Variants in ZC3H18 observed in about 807,000 individuals in gnomAD.
ZC3H18 encodes zinc finger CCCH domain-containing protein 18.
In ZC3H18, 8 loss-of-function variants were observed where a neutral mutation model predicts 106.1. That is an observed-to-expected ratio of 0.08 (90% confidence interval 0.04 to 0.14). The LOEUF (loss-of-function observed/expected upper bound fraction) is 0.14. Ranked by LOEUF, ZC3H18 falls within the 10% of genes least tolerant of loss-of-function variation. The pLI is 1.00. For synonymous variants in ZC3H18, 635 were observed against 522.1 expected, an observed-to-expected ratio of 1.22 and a Z score of -2.95; for missense variants, 1,318 against 1,278.4, an observed-to-expected ratio of 1.03 and a Z score of -0.47.
intron 4 of ZC3H18, 97 bp from the exon 5 acceptor site, chr16:88,598,523 G>T: frequency 6.9e-7 from 1 of 1,450,768 alleles, no homozygotes; most frequent in East Asian, 2.4e-5. Flanking sequence ...GGCCACACAC[G>T]GCCGGCTTGT....
chr16:88,600,435 C>T (rs1904689055), intron 6 of ZC3H18, among the ~76,000 whole-genome samples: 2 of 152,134 alleles, frequency 1.3e-5, no homozygotes, highest in African/African-American at 4.8e-5. Flanking sequence ...TTTCCCGAGG[C>T]AGAGTCTTGC....
chr16:88,611,178 C>G (rs537031166), intron 7 of ZC3H18, 90 bp from the exon 8 acceptor site: 3 of 694,598 alleles, frequency 4.3e-6, no homozygotes, highest in African/African-American at 3.6e-5. Context: ...GTGACACAGA[C>G]AGATCGCGTG....
At chr16:88,608,170 G>C (rs545793438) in intron 6 of ZC3H18, among the ~76,000 whole-genome samples, 1 of 151,982 alleles carries the variant, frequency 6.6e-6, no homozygotes, top group Non-Finnish European at 1.5e-5. Flanking sequence ...CCTTGTTTTC[G>C]TGTTCTTGTG....
Position 88,577,114 on chromosome 16 carries a change from G to T in ZC3H18, c.-10G>T. On this transcript the variant is annotated 5_prime_UTR_variant, in exon 2 of 18. Coordinates refer to ENST00000301011, the MANE Select transcript of ZC3H18 (RefSeq NM_144604.4). The stretch of plus-strand genomic sequence containing the variant: ...TCTGTATTCTCTCTTTTGCAGAACC[G>T]TGGGTACCGATGGATGTGGCCGAGA... 2 of 1,524,276 alleles carry T rather than the reference G, an allele frequency of 1.3e-6. No homozygotes were observed. Among genetic ancestry groups the T allele is most frequent in the Non-Finnish European group, 8.8e-7 (1 of 1,135,300 alleles). 94.4% of individuals were successfully genotyped at this position (1,524,276 alleles called of 1,614,324 possible). A position where few individuals can be genotyped will look rare whatever the true frequency, so the allele number is the denominator to read the frequency against.
chr16:88,622,527 G>A lies in ZC3H18; in HGVS notation c.1667+139G>A, dbSNP rs192554321. Reference sequence around the variant, plus strand: ...GTCGTTACCTGCAGACCAGTCAGTGGGACTAACCCGGCGTTTATACCTTCA... The same window carrying A: ...GTCGTTACCTGCAGACCAGTCAGTGAGACTAACCCGGCGTTTATACCTTCA... On this transcript the variant is annotated intron_variant, in intron 9 of 17. Coordinates refer to ENST00000301011, the MANE Select transcript of ZC3H18 (RefSeq NM_144604.4). The A allele has an allele frequency of 6.5e-6, 6 of 916,192 alleles. No individual in the cohort carries two copies. In the East Asian group the frequency reaches 1.1e-4, roughly 16 times the overall value. 56.8% of individuals were successfully genotyped at this position (916,192 alleles called of 1,614,324 possible).
Position 88,611,283 on chromosome 16 carries a change from CGAGAGA to C in ZC3H18, c.1229_1234del (p.Arg410_Glu411del). On this transcript the variant is annotated inframe_deletion, in exon 8 of 18. Transcript: ENST00000301011. Reference sequence around the variant, plus strand: ...TTTAACAAAGGAAAGGGAGCGGGAGCGAGAGAGAGAGAACAGACAGCGCGAGCGCGA... The same window carrying C: ...TTTAACAAAGGAAAGGGAGCGGGAGCGAGAGAACAGACAGCGCGAGCGCGA... 1.3e-6 allele frequency: 1 copy of C among 771,602 alleles called. No individual in the cohort carries two copies. The highest frequency in any genetic ancestry group is 2.4e-6 in the Non-Finnish European group (1 of 414,134). The allele number at this position is 771,602 out of a possible 1,614,324, so 47.8% of individuals were successfully genotyped here.
chr16:88,619,038 G>T (rs1905796118), intron 8 of ZC3H18, among the ~76,000 whole-genome samples: 1 of 152,144 alleles, frequency 6.6e-6, no homozygotes, highest in African/African-American at 2.4e-5. Context: ...TGTCCCCTGG[G>T]GTGACATTCT....
At chr16:88,592,007 T>C (rs1915784691) in intron 3 of ZC3H18, among the ~76,000 whole-genome samples, 1 of 152,180 alleles carries the variant, frequency 6.6e-6, no homozygotes, top group Non-Finnish European at 1.5e-5. Context: ...GATGACCTGG[T>C]GGTTGTGTGT....
intron 8 of ZC3H18, among the ~76,000 whole-genome samples, chr16:88,615,021 G>C (rs59568789): frequency 4.0e-4 from 25 of 61,986 alleles, no homozygotes; most frequent in South Asian, 5.9e-4. Flanking sequence ...TTCCCTCTGC[G>C]TTTGACAGGC....
intron 3 of ZC3H18, chr16:88,587,696 G>A: frequency 7.5e-7 from 1 of 1,335,770 alleles, no homozygotes; most frequent in South Asian, 1.3e-5. Context: ...CCTGGATCCA[G>A]AACACAGCTG....
At chr16:88,622,975 C>T (rs1184239943) in intron 9 of ZC3H18, 14 of 554,806 alleles carry the variant, frequency 2.5e-5, no homozygotes, top group South Asian at 2.3e-4. Context: ...ACAGCAGGCA[C>T]ACCCCACGCC....
chr16:88,580,149 G>GAGGCAC (rs1915019283), intron 2 of ZC3H18, among the ~76,000 whole-genome samples: 1 of 148,354 alleles, frequency 6.7e-6, no homozygotes, highest in Non-Finnish European at 1.5e-5. Context: ...TCGTGACACA[G>GAGGCAC]GTTCATCTGT....
chr16:88,609,015 G>T lies in ZC3H18; in HGVS notation c.1170G>T (p.Val390=). 1 of 1,613,890 alleles carries T rather than the reference G, an allele frequency of 6.2e-7. No individual in the cohort carries two copies. Among genetic ancestry groups the T allele is most frequent in the South Asian group, 1.1e-5 (1 of 91,062 alleles). ...WRGGQYENFR[V]QYTETEPYHN... is the part of the protein sequence containing the mutation. ...GCGGACAGTATGAGAATTTCAGGGT[G>T]CAGTATACAGAAACAGAGCCGTATC... Residue 390 remains valine, a synonymous_variant, in exon 7 of 18, where the codon GTG becomes GTT. Coordinates refer to ENST00000301011, the MANE Select transcript of ZC3H18 (RefSeq NM_144604.4).
At chr16:88,585,956 G>T (rs934410255) in intron 2 of ZC3H18, among the ~76,000 whole-genome samples, 1 of 152,096 alleles carries the variant, frequency 6.6e-6, no homozygotes, top group Non-Finnish European at 1.5e-5. Context: ...TGTAAGGAGG[G>T]GTCTCAGCTG....
intron 8 of ZC3H18, among the ~76,000 whole-genome samples, chr16:88,620,980 C>T (rs976433925): frequency 9.9e-5 from 15 of 152,076 alleles, no homozygotes; most frequent in African/African-American, 3.6e-4. Flanking sequence ...ATTCTCCTGC[C>T]CTCAGGCTCC....
Position 88,575,579 on chromosome 16 carries a change from G to A in ZC3H18, c.-14-1531G>A, listed in dbSNP as rs999213594. Among the ~76,000 whole-genome samples the A allele has an allele frequency of 6.6e-5, 10 of 152,162 alleles. 1 individual carries two copies. Among genetic ancestry groups the A allele is most frequent in the South Asian group, 2.1e-4 (1 of 4,820 alleles). ...ACACCTTCCTACCCGTCTTAACACC[G>A]TCCACTTTTAAAGCATGGGTAGCAG... On this transcript the variant is annotated intron_variant, in intron 1 of 17. Transcript: ENST00000301011.
intron 3 of ZC3H18, 74 bp downstream of exon 3, chr16:88,586,758 C>A: frequency 1.7e-6 from 2 of 1,204,642 alleles, no homozygotes; most frequent in Non-Finnish European, 2.4e-6. Flanking sequence ...GCTGGCTCAC[C>A]TTGCCAGGCC....
At chr16:88,578,890 G>C (rs1236576353) in intron 2 of ZC3H18, among the ~76,000 whole-genome samples, 3 of 152,176 alleles carry the variant, frequency 2.0e-5, no homozygotes, top group African/African-American at 7.2e-5. Context: ...GTGTCGCCCT[G>C]TTGGCCAGGC....
At chr16:88,623,625 C>A in intron 10 of ZC3H18, 1 of 574,572 alleles carries the variant, frequency 1.7e-6, no homozygotes, top group Non-Finnish European at 3.0e-6. Context: ...AGGAAGGGGC[C>A]AGACCCAGCC....
Sources: allele counts gnomAD v4.1 joint callset (sites outside exome capture counted in the v4.1 genomes callset), GRCh38; gene constraint gnomAD v4.1.1; transcripts MANE v1.5; gene names NCBI Gene and HGNC (gene_info 2026-07-23, HGNC 2026-07-21).